Variants in USP54 observed in about 807,000 individuals in gnomAD.
The protein encoded by USP54 is ubiquitin carboxyl-terminal hydrolase 54.
USP54 carries 87 observed loss-of-function variants against 170.5 expected under a neutral mutation model. The observed-to-expected ratio is 0.51, with a 90% CI of 0.43 to 0.61. The LOEUF (loss-of-function observed/expected upper bound fraction) is 0.61, where lower values mean the gene tolerates loss of function less well. USP54 is among the 20% of genes least tolerant of loss of function. The pLI, the probability that USP54 is intolerant of heterozygous loss-of-function variation, is 0.00. For synonymous variants in USP54, 655 were observed against 742.8 expected, an observed-to-expected ratio of 0.88 and a Z score of 1.92; for missense variants, 1,786 against 2,047.8, an observed-to-expected ratio of 0.87 and a Z score of 2.47.
chr10:73,542,867 C>G lies in USP54; in HGVS notation c.508G>C (p.Gly170Arg). The part of the protein sequence containing the change: ...LFEQCVCTSC[G>R]ATSDPLPFIQ... The stretch of plus-strand genomic sequence containing the variant: ...AAAGGCAGCGGATCAGAAGTGGCAC[C>G]ACAGCTAGTACATACACACTGGGCA... The change falls in exon 7 of 24, where the codon GGT (glycine) becomes CGT (arginine). Residue 170 changes from glycine to arginine, a missense_variant. Coordinates refer to ENST00000687698, the MANE Select transcript of USP54 (RefSeq NM_001391956.1). 1 of 1,614,054 alleles carries G rather than the reference C, an allele frequency of 6.2e-7. No homozygotes were observed. Among genetic ancestry groups the G allele is most frequent in the Non-Finnish European group, 8.5e-7 (1 of 1,180,018 alleles).
rs777196673 is a variant in USP54, at chr10:73,511,096, C to CTTTTTT, written c.4051+5273_4051+5278dup. On this transcript the variant is annotated intron_variant, in intron 20 of 23. Transcript: ENST00000687698. ...GGTACAAAGTTTCTGATGAAAACAC[C>CTTTTTT]TTTTTTTTTTTTTTTTTTTTGAGAC... Among the ~76,000 whole-genome samples the CTTTTTT allele has an allele frequency of 4.1e-5, 5 of 121,560 alleles. 1 individual carries two copies. Among genetic ancestry groups the CTTTTTT allele is most frequent in the African/African-American group, 1.2e-4 (4 of 32,262 alleles). 79.7% of individuals were successfully genotyped at this position (121,560 alleles called of 152,430 possible).
In USP54 at chr10:73,530,313, C is replaced by G. The variant is rs150999517; in HGVS notation, c.1658G>C (p.Arg553Pro). 6.2e-7 allele frequency: 1 copy of G among 1,614,118 alleles called. No individual in the cohort carries two copies. Among genetic ancestry groups the G allele is most frequent in the East Asian group, 2.2e-5 (1 of 44,882 alleles). Residue 553 changes from arginine (R) to proline (P), a missense_variant, in exon 14 of 24, where the codon CGT (arginine) becomes CCT (proline). Transcript: ENST00000687698. ...GCTGGTACTCTCTATTTCCCAGTCA[C>G]GAGAGTGTAAAGGCAGGGTCCTAGG... Reference protein sequence around the residue: ...KPPRTLPLHSRDWEIESTSSE... With the variant: ...KPPRTLPLHSPDWEIESTSSE...
chr10:73,521,686 A>G (rs2061923468), intron 17 of USP54, among the ~76,000 whole-genome samples: 1 of 152,226 alleles, frequency 6.6e-6, no homozygotes, highest in African/African-American at 2.4e-5. Flanking sequence ...TTGCATATAC[A>G]TACTTGTCAT....
intron 4 of USP54, among the ~76,000 whole-genome samples, chr10:73,551,028 C>A (rs1435171463): frequency 6.6e-6 from 1 of 152,126 alleles, no homozygotes; most frequent in East Asian, 1.9e-4. Flanking sequence ...TGGCGTGAAC[C>A]CAGAAGGCAG....
In USP54 at chr10:73,538,438, A is replaced by AC. The variant is rs553009312; in HGVS notation, c.975+1005dup. 359 of 152,148 alleles carry AC rather than the reference A, an allele frequency of 2.4e-3. 1 individual carries two copies. Among genetic ancestry groups the AC allele is most frequent in the Middle Eastern group, 6.7e-3 (2 of 298 alleles). 9.4% of individuals were successfully genotyped at this position (152,148 alleles called of 1,614,324 possible). On this transcript the variant is annotated intron_variant, in intron 10 of 23. Coordinates refer to ENST00000687698, the MANE Select transcript of USP54 (RefSeq NM_001391956.1). Reference sequence around the variant, plus strand: ...CTTCGAGTGCTGACCCATGAGCTCCACCAAAGCCCACGTAAGGAGCTGACT... The same window carrying AC: ...CTTCGAGTGCTGACCCATGAGCTCCACCCAAAGCCCACGTAAGGAGCTGACT...
intron 23 of USP54, 74 bp downstream of exon 23, chr10:73,500,581 T>C: frequency 7.0e-7 from 1 of 1,420,454 alleles, no homozygotes; most frequent in Non-Finnish European, 9.5e-7. Context: ...CCCATAGGTA[T>C]ACTGATTTGA....
At chr10:73,536,714 T>C (rs1271926794) in intron 10 of USP54, among the ~76,000 whole-genome samples, 1 of 152,150 alleles carries the variant, frequency 6.6e-6, no homozygotes, top group Non-Finnish European at 1.5e-5. Flanking sequence ...AGTTGTAAAA[T>C]AGGAATAAAA....
intron 1 of USP54, among the ~76,000 whole-genome samples, chr10:73,583,844 T>C (rs1174083347): frequency 2.0e-5 from 3 of 152,108 alleles, no homozygotes; most frequent in African/African-American, 7.2e-5. Flanking sequence ...TCAGGAAAGC[T>C]CTTTAGTTAA....
intron 20 of USP54, among the ~76,000 whole-genome samples, chr10:73,508,269 C>T (rs1247264332): frequency 3.3e-5 from 5 of 151,078 alleles, no homozygotes; most frequent in Admixed American, 1.3e-4. Context: ...CAGCTGGGTG[C>T]GGTGGTGTGC....
intron 1 of USP54, among the ~76,000 whole-genome samples, chr10:73,600,712 G>A (rs1003405851): frequency 4.6e-5 from 7 of 152,154 alleles, no homozygotes; most frequent in East Asian, 1.9e-4. Flanking sequence ...TTAAGAGTTC[G>A]AGACCAGCCT....
At chr10:73,509,439 CAAA>C (rs1229372512) in intron 20 of USP54, among the ~76,000 whole-genome samples, 3 of 106,742 alleles carry the variant, frequency 2.8e-5, no homozygotes, top group Non-Finnish European at 4.3e-5. Flanking sequence ...CTGTCTCTAC[CAAA>C]AAAAAAAAAA....
chr10:73,609,842 C>CAAAA (rs879852354), intron 1 of USP54, among the ~76,000 whole-genome samples: 2 of 63,874 alleles, frequency 3.1e-5, no homozygotes, highest in Non-Finnish European at 6.3e-5. Context: ...GATTCCGTCA[C>CAAAA]AAAAAAAAAA....
At chr10:73,527,985 G>A (rs925101627) in intron 15 of USP54, among the ~76,000 whole-genome samples, 6 of 152,094 alleles carry the variant, frequency 3.9e-5, no homozygotes, top group Non-Finnish European at 5.9e-5. Flanking sequence ...ACCCAGGCTG[G>A]AGTGCAGTGA....
chr10:73,547,752 A>C (rs2068194548), intron 4 of USP54, among the ~76,000 whole-genome samples: 1 of 152,324 alleles, frequency 6.6e-6, no homozygotes, highest in Admixed American at 6.5e-5. Flanking sequence ...TAAAGACTTA[A>C]ATATCAGACT....
chr10:73,515,096 C>T (rs1237370221), intron 20 of USP54, among the ~76,000 whole-genome samples: 1 of 151,870 alleles, frequency 6.6e-6, no homozygotes, highest in Non-Finnish European at 1.5e-5. Context: ...GTATTCCCCT[C>T]AAAGGCTCTG....
At position 73,504,835 on chromosome 10, in the gene USP54, C is replaced by G. The variant is rs780961279; in HGVS notation, c.4311+15G>C. The G allele has an allele frequency of 1.9e-6, 3 of 1,614,068 alleles. No homozygotes were observed. The highest frequency in any genetic ancestry group is 2.5e-6 in the Non-Finnish European group (3 of 1,180,002). On this transcript the variant is annotated intron_variant, in intron 22 of 23. Coordinates refer to ENST00000687698, the MANE Select transcript of USP54 (RefSeq NM_001391956.1). ...AGGAGGGTGCTCTGAATAGATGGACCCTGATTCTACTTACAAAACTGTGGG... is the reference window on the plus strand; with the variant it reads ...AGGAGGGTGCTCTGAATAGATGGACGCTGATTCTACTTACAAAACTGTGGG...
chr10:73,541,818 TCA>T lies in USP54; in HGVS notation c.573-82_573-81del. 3.5e-6 allele frequency: 5 copies of T among 1,413,692 alleles called. No homozygotes were observed. In the South Asian group the frequency reaches 5.0e-5, roughly 14 times the overall value. The allele number at this position is 1,413,692 out of a possible 1,614,324, so 87.6% of individuals were successfully genotyped here. On this transcript the variant is annotated intron_variant, in intron 7 of 23. Coordinates refer to ENST00000687698, the MANE Select transcript of USP54 (RefSeq NM_001391956.1). ...TCAAACATTAATGTACATTCCTAAC[TCA>T]CACATTTGACTTTCTTCCTCTGCCC...
intron 19 of USP54, chr10:73,519,140 C>CAAAAAAAA (rs769300590): frequency 1.5e-5 from 1 of 67,598 alleles, no homozygotes. Context: ...ATCCTGTCTC[C>CAAAAAAAA]AAAAAAAAAA....
At chr10:73,548,662 A>G (rs565686492) in intron 4 of USP54, among the ~76,000 whole-genome samples, 54 of 152,296 alleles carry the variant, frequency 3.5e-4, no homozygotes, top group African/African-American at 1.3e-3. Flanking sequence ...TCTCACTCAT[A>G]GGTGGGAATT....
Sources: gnomAD v4.1 joint callset for allele counts (sites outside exome capture counted in the v4.1 genomes callset) on GRCh38, gnomAD v4.1.1 for gene constraint, MANE v1.5 for transcripts, NCBI Gene and HGNC (gene_info 2026-07-23, HGNC 2026-07-21) for gene names.